NCOA2: variants seen among roughly 807,000 people sequenced by gnomAD.
NCOA2 encodes class E basic helix-loop-helix protein 75.
Under a neutral mutation model 145.1 loss-of-function variants are expected in NCOA2, and 21 were observed. The observed-to-expected ratio is 0.14, with a 90% CI of 0.10 to 0.21. NCOA2 has a LOEUF of 0.21. Ranked by LOEUF, NCOA2 falls within the 10% of genes least tolerant of loss-of-function variation. NCOA2 has a pLI of 1.00. For missense variants in NCOA2, 1,472 were observed against 1,837.6 expected (o/e 0.80, Z 3.64); for synonymous variants, 619 against 637.5 (o/e 0.97, Z 0.44).
intron 4 of NCOA2, among the ~76,000 whole-genome samples, chr8:70,198,579 A>C (rs1817580674): frequency 6.6e-6 from 1 of 152,202 alleles, no homozygotes; most frequent in Non-Finnish European, 1.5e-5. Context: ...AGCAGAGATG[A>C]GTTAAGGTGA....
chr8:70,132,691 G>C (rs1332017387), intron 15 of NCOA2, among the ~76,000 whole-genome samples: 2 of 152,130 alleles, frequency 1.3e-5, no homozygotes, highest in African/African-American at 4.8e-5. Flanking sequence ...CAGCATCCAA[G>C]TAGCTGGGAC....
Position 70,166,671 on chromosome 8 carries a change from C to A in NCOA2, c.625G>T (p.Asp209Tyr), listed in dbSNP as rs1813651228. 6.2e-7 allele frequency: 1 copy of A among 1,614,014 alleles called. No individual in the cohort carries two copies. The highest frequency in any genetic ancestry group is 1.3e-5 in the African/African-American group (1 of 75,044). ...NCRMLVKPLP[D>Y]SEEEGHDNQE... ...TTATCATGACCCTCCTCTTCTGAAT[C>A]AGGTAAAGGTTTTACCAGCATCCGA... The change falls in exon 7 of 23, where the codon GAT (aspartate) becomes TAT (tyrosine). Residue 209 changes from aspartate (D) to tyrosine (Y), a missense_variant. By Grantham distance (160) the Asp-to-Tyr change is radical (BLOSUM62 -3). Around this residue, in one of 4 missense-constraint regions of NCOA2, gnomAD observed 284 missense variants for 467.8 expected, o/e 0.61. Coordinates refer to ENST00000452400, the MANE Select transcript of NCOA2 (RefSeq NM_006540.4).
At chr8:70,253,605 T>C (rs1434405437) in intron 2 of NCOA2, among the ~76,000 whole-genome samples, 1 of 152,022 alleles carries the variant, frequency 6.6e-6, no homozygotes, top group Non-Finnish European at 1.5e-5. Flanking sequence ...CTCTCACATA[T>C]ATGGTCAAAT....
intron 15 of NCOA2, among the ~76,000 whole-genome samples, chr8:70,137,605 G>A (rs1338553292): frequency 6.6e-6 from 1 of 152,176 alleles, no homozygotes; most frequent in Non-Finnish European, 1.5e-5. Context: ...GAACAAGATG[G>A]ACTGTGAGAA....
intron 14 of NCOA2, among the ~76,000 whole-genome samples, chr8:70,140,602 T>G (rs1340020335): frequency 1.4e-5 from 2 of 144,290 alleles, no homozygotes; most frequent in Non-Finnish European, 3.0e-5. Flanking sequence ...AGTTTTTTTT[T>G]TTTTTTTTTT....
At chr8:70,316,612 C>T (rs773349347) in intron 1 of NCOA2, among the ~76,000 whole-genome samples, 3 of 152,132 alleles carry the variant, frequency 2.0e-5, no homozygotes, top group Non-Finnish European at 2.9e-5. Context: ...ATTACTCATG[C>T]TATGCCACAT....
intron 2 of NCOA2, among the ~76,000 whole-genome samples, chr8:70,279,015 G>A (rs1017378816): frequency 6.6e-6 from 1 of 151,324 alleles, no homozygotes; most frequent in East Asian, 1.9e-4. Context: ...GTATCAATCC[G>A]TCAATGAATC....
chr8:70,406,378 T>C (rs1041960875), upstream of NCOA2, among the ~76,000 whole-genome samples: 4 of 152,094 alleles, frequency 2.6e-5, no homozygotes, highest in Non-Finnish European at 4.4e-5. Context: ...ATCATCACTA[T>C]GATAATGTAA....
intron 4 of NCOA2, among the ~76,000 whole-genome samples, chr8:70,202,875 A>G (rs1011162994): frequency 1.3e-5 from 2 of 152,218 alleles, no homozygotes; most frequent in African/African-American, 4.8e-5. Context: ...ACCAAAAAAA[A>G]GTCTCCTTGG....
chr8:70,318,126 G>T (rs552930466), intron 1 of NCOA2, among the ~76,000 whole-genome samples: 1 of 152,032 alleles, frequency 6.6e-6, no homozygotes, highest in East Asian at 1.9e-4. Flanking sequence ...AGGTCAAGCC[G>T]GTTTGCTTCT....
chr8:70,260,639 C>T (rs74592263), intron 2 of NCOA2, among the ~76,000 whole-genome samples: 5,214 of 152,270 alleles, frequency 0.034, 297 homozygotes, highest in African/African-American at 0.12. Flanking sequence ...TTAACTATCA[C>T]AAGCACAATT....
chr8:70,175,478 C>A (rs972003479), intron 4 of NCOA2, among the ~76,000 whole-genome samples: 2 of 152,232 alleles, frequency 1.3e-5, no homozygotes, highest in African/African-American at 4.8e-5. Flanking sequence ...TCAATGGCTG[C>A]CCTCTGATCT....
intron 4 of NCOA2, among the ~76,000 whole-genome samples, chr8:70,194,047 C>T (rs1219119273): frequency 6.6e-6 from 1 of 152,218 alleles, no homozygotes; most frequent in Non-Finnish European, 1.5e-5. Flanking sequence ...GGTTCTAACA[C>T]TGGAAGAGCA....
chr8:70,323,055 A>G (rs1199595785), intron 1 of NCOA2, among the ~76,000 whole-genome samples: 1 of 152,224 alleles, frequency 6.6e-6, no homozygotes, highest in Non-Finnish European at 1.5e-5. Context: ...CTTAAACACT[A>G]GGTCTGCTAA....
At chr8:70,224,766 TAATTA>T (rs141793391) in intron 2 of NCOA2, among the ~76,000 whole-genome samples, 2,025 of 142,282 alleles carry the variant, frequency 0.014, 49 homozygotes, top group African/African-American at 0.059. Context: ...TACATATATT[TAATTA>T]ATTTATTATA....
At chr8:70,358,055 AAAAC>A (rs1329357374) in intron 1 of NCOA2, among the ~76,000 whole-genome samples, 1 of 152,184 alleles carries the variant, frequency 6.6e-6, no homozygotes, top group African/African-American at 2.4e-5. Context: ...AGTCGCAAAA[AAAAC>A]AAAACAGAAC....
At chr8:70,451,116 G>A in the NCOA2 span, among the ~76,000 whole-genome samples, 1 of 148,882 alleles carries the variant, frequency 6.7e-6, no homozygotes, top group Non-Finnish European at 1.5e-5. Flanking sequence ...TACTAGGGAG[G>A]CTGAGGCAGG....
rs575199251 is a variant in NCOA2, at chr8:70,146,426, T to A, written c.2606-1578A>T. 8.3e-4 allele frequency among the ~76,000 whole-genome samples: 127 copies of A among 152,346 alleles called. 1 individual carries two copies. The highest frequency in any genetic ancestry group is 3.0e-3 in the African/African-American group (123 of 41,584). ...ACTTATTACATAACATCAAGTACTT[T>A]ATTTTCCTGAATTATATAAACATAG... On this transcript the variant is annotated intron_variant, in intron 12 of 22. Coordinates refer to ENST00000452400, the MANE Select transcript of NCOA2 (RefSeq NM_006540.4).
intron 4 of NCOA2, among the ~76,000 whole-genome samples, chr8:70,191,762 CAG>C (rs1192695712): frequency 1.3e-5 from 2 of 152,100 alleles, no homozygotes; most frequent in Non-Finnish European, 2.9e-5. Flanking sequence ...CTGAAAAGGC[CAG>C]GGACGGTGGC....
Sources: gnomAD v4.1 joint callset for allele counts (sites outside exome capture counted in the v4.1 genomes callset) on GRCh38, gnomAD v4.1.1 for gene constraint, gnomAD v4.1.1 regional missense constraint, MANE v1.5 for transcripts, NCBI Gene and HGNC (gene_info 2026-07-23, HGNC 2026-07-21) for gene names.